The following PLBD2 variants were observed in gnomAD, a reference collection of about 807,000 sequenced individuals.
The protein encoded by PLBD2 is putative aminopeptidase PLBD2.
Under a neutral mutation model 68.3 loss-of-function variants are expected in PLBD2, and 51 were observed. The observed-to-expected ratio is 0.75, with a 90% CI of 0.60 to 0.94. The LOEUF (loss-of-function observed/expected upper bound fraction) is 0.94. PLBD2 is among the 40% of genes least tolerant of loss of function. PLBD2 has a pLI of 0.00. For synonymous variants in PLBD2, 314 were observed against 339.3 expected, an observed-to-expected ratio of 0.93 and a Z score of 0.82; for missense variants, 729 against 792.2, an observed-to-expected ratio of 0.92 and a Z score of 0.96.
intron 1 of PLBD2, among the ~76,000 whole-genome samples, chr12:113,363,938 AG>A (rs1175843801): frequency 6.6e-6 from 1 of 152,224 alleles, no homozygotes; most frequent in Non-Finnish European, 1.5e-5. Flanking sequence ...GCATTTACAC[AG>A]GGGCTTAGTT....
Position 113,372,705 on chromosome 12 carries a change from T to A in PLBD2, c.441T>A (p.Tyr147Ter). Residue 147 changes from tyrosine to a stop codon, truncating the protein, a stop_gained, in exon 3 of 12, where the codon TAT becomes TAA. Transcript: ENST00000280800. LOFTEE classifies it high-confidence loss of function. The surrounding 1 kb of genome is among the most constrained non-coding windows in gnomAD (Gnocchi z 4.2). ...TGAATTACTGCGGCCCCTTCGAGTA[T>A]GAAGTCGGCTACTGCGAGAGGCTGA... ...TVVNYCGPFE[Y>*]EVGYCERLKS... The A allele has an allele frequency of 6.2e-7, 1 of 1,614,086 alleles. No homozygotes were observed. The highest frequency in any genetic ancestry group is 8.5e-7 in the Non-Finnish European group (1 of 1,180,004).
chr12:113,388,479 C>T lies in PLBD2; in HGVS notation c.1623C>T (p.Ala541=), dbSNP rs1201771941. Residue 541 remains alanine (A), a synonymous_variant, in exon 12 of 12, where the codon GCC becomes GCT. Transcript: ENST00000280800. The part of the protein sequence containing the change: ...IDVKVTSMSL[A]RILSLLAASG... ...CCCAGGTGACCAGCATGTCACTGGCCAGGATCCTGAGCCTGCTGGCGGCCA... is the reference window on the plus strand; with the variant it reads ...CCCAGGTGACCAGCATGTCACTGGCTAGGATCCTGAGCCTGCTGGCGGCCA... 7 of 1,599,434 alleles carry T rather than the reference C, an allele frequency of 4.4e-6. No homozygotes were observed. The highest frequency in any genetic ancestry group is 6.0e-6 in the Non-Finnish European group (7 of 1,176,182).
chr12:113,369,260 A>G, intron 2 of PLBD2, 51 bp downstream of exon 2: 1 of 1,463,008 alleles, frequency 6.8e-7, no homozygotes, highest in Non-Finnish European at 9.3e-7. Context: ...CAGCCCCACA[A>G]GCATGTTCCC....
chr12:113,364,495 A>G (rs1957325041), intron 1 of PLBD2, among the ~76,000 whole-genome samples: 1 of 149,920 alleles, frequency 6.7e-6, no homozygotes, highest in Admixed American at 6.7e-5. Context: ...ATGAGACAGC[A>G]TCTTGCTCTA....
rs1008670641 is a variant in PLBD2, at chr12:113,369,168, G to T, written c.343G>T (p.Ala115Ser). ...TGGCCAATACAATGACAGCTTGCAG[G>T]CCTATGCAGCCGGTGTGGTGGAGGC... ...TSGQYNDSLQ[A>S]YAAGVVEAAV... Residue 115 changes from alanine (A) to serine (S), a missense_variant, in exon 2 of 12, where the codon GCC (alanine) becomes TCC (serine). Coordinates refer to ENST00000280800, the MANE Select transcript of PLBD2 (RefSeq NM_173542.4). 6 of 1,607,396 alleles carry T rather than the reference G, an allele frequency of 3.7e-6. No homozygotes were observed. The African/African-American group carries it at 4.0e-5, about 11-fold the overall frequency.
rs1957256609 is a variant in PLBD2, at chr12:113,358,688, C to T, written c.88C>T (p.Leu30=). The change falls in exon 1 of 12, where the codon CTG becomes TTG. Residue 30 remains leucine, a synonymous_variant. Coordinates refer to ENST00000280800, the MANE Select transcript of PLBD2 (RefSeq NM_173542.4). Reference sequence around the variant, plus strand: ...GGCGCTGGCCCTGGTGCTGGCCCTGCTGGTCGGGCCGTTCCTGAGCGGCCT... The same window carrying T: ...GGCGCTGGCCCTGGTGCTGGCCCTGTTGGTCGGGCCGTTCCTGAGCGGCCT... ...ALALALVLAL[L]VGPFLSGLAG... 1.4e-6 allele frequency: 2 copies of T among 1,426,120 alleles called. No individual in the cohort carries two copies. Among genetic ancestry groups the T allele is most frequent in the East Asian group, 6.1e-5 (2 of 32,812 alleles). The allele number at this position is 1,426,120 out of a possible 1,614,324, so 88.3% of individuals were successfully genotyped here. A position where few individuals can be genotyped will look rare whatever the true frequency, so the allele number is the denominator to read the frequency against.
intron 6 of PLBD2, among the ~76,000 whole-genome samples, chr12:113,383,325 C>G (rs891319351): frequency 2.6e-5 from 4 of 152,148 alleles, no homozygotes; most frequent in Admixed American, 2.6e-4. Flanking sequence ...TTCATGGGAG[C>G]GGCTCTTTGG....
In PLBD2 at chr12:113,384,356, G is replaced by A. The variant is rs1380802458; in HGVS notation, c.1118+91G>A. On this transcript the variant is annotated intron_variant, in intron 7 of 11. Transcript: ENST00000280800. This position sits in a 1 kb window ranked among gnomAD's most constrained non-coding sequence, Gnocchi z 4.2. ...CTCACACTCCTGGGGACCAGATGTG[G>A]CATCCGGGCCACACACCCCACGCCC... 6.8e-7 allele frequency: 1 copy of A among 1,461,302 alleles called. No homozygotes were observed. The highest frequency in any genetic ancestry group is 9.2e-7 in the Non-Finnish European group (1 of 1,085,378). 90.5% of individuals were successfully genotyped at this position (1,461,302 alleles called of 1,614,324 possible). A position where few individuals can be genotyped will look rare whatever the true frequency, so the allele number is the denominator to read the frequency against.
chr12:113,372,165 C>G lies in PLBD2; in HGVS notation c.385-484C>G, dbSNP rs925749838. Among the ~76,000 whole-genome samples, 5 of 151,446 alleles carry G rather than the reference C, an allele frequency of 3.3e-5. No homozygotes were observed. The highest frequency in any genetic ancestry group is 1.2e-4 in the African/African-American group (5 of 41,180). On this transcript the variant is annotated intron_variant, in intron 2 of 11. Coordinates refer to ENST00000280800, the MANE Select transcript of PLBD2 (RefSeq NM_173542.4). The surrounding 1 kb of genome is among the most constrained non-coding windows in gnomAD (Gnocchi z 4.2). ...GACCAGGCTACGTGGTCTTTTGTCC[C>G]CCAGCAGGCGAGCCTGGACTCATGC...
chr12:113,387,023 G>C lies in PLBD2; in HGVS notation c.1373G>C (p.Arg458Pro). The C allele has an allele frequency of 1.2e-6, 2 of 1,612,036 alleles. No individual in the cohort carries two copies. Among genetic ancestry groups the C allele is most frequent in the Non-Finnish European group, 1.7e-6 (2 of 1,179,236 alleles). Residue 458 changes from arginine (R) to proline (P), a missense_variant, in exon 10 of 12, where the codon CGG becomes CCG. Transcript: ENST00000280800. The stretch of plus-strand genomic sequence containing the variant: ...TGGTTTTCTTATGACGGGAGCCCCC[G>C]GGCCCAGATCTTCCGGCGGAACCAG... Reference protein sequence around the residue: ...GDWFSYDGSPRAQIFRRNQSL... With the variant: ...GDWFSYDGSPPAQIFRRNQSL...
chr12:113,365,165 C>T (rs565307776), intron 1 of PLBD2, among the ~76,000 whole-genome samples: 5 of 152,254 alleles, frequency 3.3e-5, no homozygotes, highest in South Asian at 2.1e-4. Context: ...GAGTTAGAGG[C>T]GCAGAGCATT....
In PLBD2 at chr12:113,384,342, G is replaced by A. The variant is rs1050146157; in HGVS notation, c.1118+77G>A. ...CCTCCCCTTTAACACTCACACTCCT[G>A]GGGACCAGATGTGGCATCCGGGCCA... On this transcript the variant is annotated intron_variant, in intron 7 of 11. Coordinates refer to ENST00000280800, the MANE Select transcript of PLBD2 (RefSeq NM_173542.4). This position sits in a 1 kb window ranked among gnomAD's most constrained non-coding sequence, Gnocchi z 4.2. 6.6e-7 allele frequency: 1 copy of A among 1,513,194 alleles called. No homozygotes were observed. The highest frequency in any genetic ancestry group is 8.9e-7 in the Non-Finnish European group (1 of 1,124,316). The allele number at this position is 1,513,194 out of a possible 1,614,324, so 93.7% of individuals were successfully genotyped here. A position where few individuals can be genotyped will look rare whatever the true frequency, so the allele number is the denominator to read the frequency against.
chr12:113,385,688 C>T (rs190300794), intron 9 of PLBD2, among the ~76,000 whole-genome samples: 30 of 152,372 alleles, frequency 2.0e-4, no homozygotes, highest in Non-Finnish European at 3.7e-4. Context: ...GAAACTGAGG[C>T]CCTGAGAAAG....
At chr12:113,369,417 T>C (rs1172505139) in intron 2 of PLBD2, among the ~76,000 whole-genome samples, 1 of 152,202 alleles carries the variant, frequency 6.6e-6, no homozygotes, top group Non-Finnish European at 1.5e-5. Context: ...ACTTCTGATA[T>C]TGTCTGACTT....
chr12:113,375,095 C>A, intron 5 of PLBD2, 88 bp downstream of exon 5: 1 of 1,214,450 alleles, frequency 8.2e-7, no homozygotes, highest in Non-Finnish European at 1.2e-6. Context: ...GCCTTGGAAA[C>A]CCTCCCAACA....
At position 113,386,997 on chromosome 12, in the gene PLBD2, C is replaced by T; in HGVS notation, c.1347C>T (p.Asp449=). The change falls in exon 10 of 12, where the codon GAC becomes GAT. Residue 449 remains aspartate (D), a synonymous_variant. Transcript: ENST00000280800. The part of the protein sequence containing the change: ...GLQALVAQYG[D]WFSYDGSPRA... ...AGGCCCTAGTGGCCCAGTATGGGGA[C>T]TGGTTTTCTTATGACGGGAGCCCCC... 9 of 1,612,574 alleles carry T rather than the reference C, an allele frequency of 5.6e-6. No individual in the cohort carries two copies. Among genetic ancestry groups the T allele is most frequent in the Non-Finnish European group, 7.6e-6 (9 of 1,179,402 alleles).
rs951699315 is a variant in PLBD2, at chr12:113,391,548, A to G, written c.*2922A>G. 1 of 152,278 alleles carries G rather than the reference A, an allele frequency of 6.6e-6. No individual in the cohort carries two copies. Among genetic ancestry groups the G allele is most frequent in the Non-Finnish European group, 1.5e-5 (1 of 68,054 alleles). The allele number at this position is 152,278 out of a possible 1,614,324, so 9.4% of individuals were successfully genotyped here. ...TTACATTGACTAGATAGTAAACAAA[A>G]TAAATGAAATATGCAGTGTGTCAGT... On this transcript the variant is annotated 3_prime_UTR_variant, in exon 12 of 12. Transcript: ENST00000280800.
At chr12:113,363,409 T>C (rs1957312928) in intron 1 of PLBD2, among the ~76,000 whole-genome samples, 1 of 152,004 alleles carries the variant, frequency 6.6e-6, no homozygotes, top group Non-Finnish European at 1.5e-5. Context: ...CCAGCCTGGG[T>C]GACAGAGTGA....
At chr12:113,385,688 C>A (rs190300794) in intron 9 of PLBD2, among the ~76,000 whole-genome samples, 2 of 152,254 alleles carry the variant, frequency 1.3e-5, no homozygotes, top group African/African-American at 4.8e-5. Flanking sequence ...GAAACTGAGG[C>A]CCTGAGAAAG....
Sources: gnomAD v4.1 joint callset for allele counts (sites outside exome capture counted in the v4.1 genomes callset) on GRCh38, gnomAD v4.1.1 for gene constraint, Gnocchi (gnomAD v3.1) non-coding constraint, MANE v1.5 for transcripts, NCBI Gene and HGNC (gene_info 2026-07-23, HGNC 2026-07-21) for gene names.